The following PCDHA1 variants were observed in gnomAD, a reference collection of about 807,000 sequenced individuals.
The protein encoded by PCDHA1 is protocadherin alpha 1.
A neutral mutation model predicts 61.3 loss-of-function variants in PCDHA1; 42 were observed. The ratio of observed to expected loss-of-function variants is 0.69; its 90% CI spans 0.54 to 0.89. PCDHA1 has a LOEUF of 0.89. Among genes scored for constraint, PCDHA1 ranks in the 40% least tolerant of loss-of-function variants. The pLI is 0.00. For missense variants in PCDHA1, 1,256 were observed against 1,235.3 expected, an observed-to-expected ratio of 1.02 and a Z score of -0.25; for synonymous variants, 610 against 553.8, an observed-to-expected ratio of 1.10 and a Z score of -1.43.
Position 140,787,073 on chromosome 5 carries a change from G to T in PCDHA1, c.783G>T (p.Val261=). ...AGACTACAGCAAATGGAACATTAGTGACCACATTAAATGCCTCTGATGCTG... is the reference window on the plus strand; with the variant it reads ...AGACTACAGCAAATGGAACATTAGTTACCACATTAAATGCCTCTGATGCTG... The part of the protein sequence containing the change: ...LLETTANGTL[V]TTLNASDADE... The change falls in exon 1 of 4, where the codon GTG becomes GTT. Residue 261 remains valine (V), a synonymous_variant. Transcript: ENST00000504120. The T allele has an allele frequency of 6.2e-7, 1 of 1,614,170 alleles. No homozygotes were observed. The highest frequency in any genetic ancestry group is 1.1e-5 in the South Asian group (1 of 91,062).
intron 1 of PCDHA1, chr5:140,871,327 C>T (rs782093100): frequency 6.2e-6 from 10 of 1,613,984 alleles, no homozygotes; most frequent in East Asian, 4.5e-5. Context: ...GGTGTGCTCC[C>T]GCGCGGTGGG....
intron 1 of PCDHA1, among the ~76,000 whole-genome samples, chr5:140,899,342 C>T (rs1317774028): frequency 6.6e-6 from 1 of 152,044 alleles, no homozygotes; most frequent in African/African-American, 2.4e-5. Context: ...ATAGATAGCT[C>T]TTATTATTTT....
chr5:140,926,538 G>A (rs155362), intron 1 of PCDHA1: 1 of 210,368 alleles, frequency 4.8e-6, no homozygotes, highest in Admixed American at 5.9e-5. Flanking sequence ...CAGCCAGCGT[G>A]GTGGTCGAGA....
At chr5:140,960,444 T>C in intron 1 of PCDHA1, among the ~76,000 whole-genome samples, 1 of 152,022 alleles carries the variant, frequency 6.6e-6, no homozygotes, top group Non-Finnish European at 1.5e-5. Context: ...TAGATATATG[T>C]ATGGATAATT....
chr5:140,986,638 G>A (rs185773882), intron 3 of PCDHA1, among the ~76,000 whole-genome samples: 18 of 152,282 alleles, frequency 1.2e-4, no homozygotes, highest in Non-Finnish European at 2.6e-4. Flanking sequence ...CAGTACATTA[G>A]TTTTAGAGTG....
chr5:140,841,555 T>C lies in PCDHA1; in HGVS notation c.2394+52871T>C, dbSNP rs1224364793. 2.5e-6 allele frequency: 4 copies of C among 1,613,708 alleles called. No homozygotes were observed. In the African/African-American group the frequency reaches 5.3e-5, roughly 22 times the overall value. On this transcript the variant is annotated intron_variant, in intron 1 of 3. Transcript: ENST00000504120. Reference sequence around the variant, plus strand: ...GACACCGGGACCTTCTGGAGGTAAGTCTGCAGAATGGCATTTTGTTTGTGA... The same window carrying C: ...GACACCGGGACCTTCTGGAGGTAAGCCTGCAGAATGGCATTTTGTTTGTGA...
At chr5:140,974,165 G>A (rs1298109600) in intron 1 of PCDHA1, among the ~76,000 whole-genome samples, 1 of 152,164 alleles carries the variant, frequency 6.6e-6, no homozygotes, top group Admixed American at 6.5e-5. Flanking sequence ...TTTCTTTCAA[G>A]AATTTTAACT....
intron 1 of PCDHA1, among the ~76,000 whole-genome samples, chr5:140,938,387 A>G (rs2092042874): frequency 6.6e-6 from 1 of 152,220 alleles, no homozygotes. Flanking sequence ...AATATTTAAT[A>G]TGAAATACAT....
chr5:140,871,056 G>A (rs1554165039), intron 1 of PCDHA1: 1 of 1,613,234 alleles, frequency 6.2e-7, no homozygotes, highest in African/African-American at 1.3e-5. Context: ...TACTGGTGAA[G>A]GATCACGGTG....
intron 1 of PCDHA1, chr5:140,869,400 C>T (rs782134920): frequency 1.2e-6 from 2 of 1,614,026 alleles, no homozygotes; most frequent in African/African-American, 2.7e-5. Flanking sequence ...GCGGGCAGAG[C>T]GCGGAGTGCA....
intron 1 of PCDHA1, chr5:140,796,197 C>G (rs782096647): frequency 1.2e-6 from 2 of 1,614,182 alleles, no homozygotes; most frequent in Non-Finnish European, 1.7e-6. Context: ...TGCTGGACAG[C>G]GCCCTGGACC....
chr5:140,800,063 T>TA (rs1370278446), intron 1 of PCDHA1, among the ~76,000 whole-genome samples: 3 of 152,220 alleles, frequency 2.0e-5, no homozygotes, highest in East Asian at 3.9e-4. Flanking sequence ...TAACAACTTT[T>TA]AAAAAAACTG....
intron 1 of PCDHA1, among the ~76,000 whole-genome samples, chr5:140,970,781 G>A (rs2096433448): frequency 6.6e-6 from 1 of 152,042 alleles, no homozygotes; most frequent in Admixed American, 6.6e-5. Context: ...CATACATATT[G>A]TATGTAATAT....
At chr5:141,002,273 A>G (rs1040927044) in intron 3 of PCDHA1, among the ~76,000 whole-genome samples, 42 of 152,308 alleles carry the variant, frequency 2.8e-4, no homozygotes, top group African/African-American at 8.9e-4. Context: ...AGAGCTGGTA[A>G]CAAAGGGATG....
Position 140,787,771 on chromosome 5 carries a change from TG to T in PCDHA1, c.1483del (p.Val495TrpfsTer41). ...AQENALVSYS[L>X]VERRVGERAL... ...GAGAACGCGCTGGTGTCCTATTCGCTGGTGGAACGGCGGGTGGGCGAGCGCG... is the reference window on the plus strand; with the variant it reads ...GAGAACGCGCTGGTGTCCTATTCGCTGTGGAACGGCGGGTGGGCGAGCGCG... On this transcript the variant is annotated frameshift_variant, in exon 1 of 4. Transcript: ENST00000504120. LOFTEE classifies it high-confidence loss of function. The T allele has an allele frequency of 6.2e-7, 1 of 1,613,052 alleles. No homozygotes were observed. Among genetic ancestry groups the T allele is most frequent in the Admixed American group, 1.7e-5 (1 of 60,034 alleles).
intron 1 of PCDHA1, among the ~76,000 whole-genome samples, chr5:140,886,080 C>A (rs910230815): frequency 3.7e-4 from 56 of 152,268 alleles, no homozygotes; most frequent in African/African-American, 1.2e-3. Flanking sequence ...CATACCACAA[C>A]CTGGATATTG....
intron 1 of PCDHA1, chr5:140,851,860 A>T (rs1213709274): frequency 2.1e-6 from 2 of 974,300 alleles, no homozygotes; most frequent in African/African-American, 3.5e-5. Context: ...CTCAGCTCAT[A>T]CATAACACAA....
At chr5:140,898,100 G>C (rs1273803096) in intron 1 of PCDHA1, among the ~76,000 whole-genome samples, 2 of 152,132 alleles carry the variant, frequency 1.3e-5, no homozygotes, top group African/African-American at 4.8e-5. Flanking sequence ...CCCTTTGTCA[G>C]ATGAGTAGGT....
intron 1 of PCDHA1, chr5:140,969,442 T>G (rs1554231813): frequency 1.6e-5 from 25 of 1,543,830 alleles, no homozygotes; most frequent in Non-Finnish European, 2.2e-5. Flanking sequence ...AGTTATCTGG[T>G]AAACTGAGTA....
Sources: gnomAD v4.1 joint callset for allele counts (sites outside exome capture counted in the v4.1 genomes callset) on GRCh38, gnomAD v4.1.1 for gene constraint, MANE v1.5 for transcripts, NCBI Gene and HGNC (gene_info 2026-07-23, HGNC 2026-07-21) for gene names.